The following THSD7A variants were observed in gnomAD, a reference collection of about 807,000 sequenced individuals.
THSD7A encodes thrombospondin type-1 domain-containing protein 7A.
Under a neutral mutation model 231.3 loss-of-function variants are expected in THSD7A, and 96 were observed. The ratio of observed to expected loss-of-function variants is 0.41; its 90% CI spans 0.35 to 0.49. The LOEUF is 0.49. THSD7A is among the 20% of genes least tolerant of loss of function. The pLI, the probability that THSD7A is intolerant of heterozygous loss-of-function variation, is 0.05. For missense variants in THSD7A, 2,290 were observed against 2,070.2 expected (o/e 1.11, Z -2.06); for synonymous variants, 940 against 743.3 (o/e 1.26, Z -4.30).
rs1782021094 is a variant in THSD7A, at chr7:11,370,757, GAAT to G, written c.*5034_*5036del. 2 of 152,084 alleles carry G rather than the reference GAAT, an allele frequency of 1.3e-5. No homozygotes were observed. The highest frequency in any genetic ancestry group is 1.9e-4 in the East Asian group (1 of 5,182). The allele number at this position is 152,084 out of a possible 1,614,324, so 9.4% of individuals were successfully genotyped here. A position where few individuals can be genotyped will look rare whatever the true frequency, so the allele number is the denominator to read the frequency against. The stretch of plus-strand genomic sequence containing the variant: ...AATTAACATAAAATACACATTTAGG[GAAT>G]AATAATTTATAGAAAGACAGATTGC... On this transcript the variant is annotated 3_prime_UTR_variant, in exon 28 of 28. Transcript: ENST00000423059.
chr7:11,669,072 C>T (rs553831494), intron 1 of THSD7A, among the ~76,000 whole-genome samples: 15 of 152,202 alleles, frequency 9.9e-5, no homozygotes, highest in African/African-American at 3.4e-4. Context: ...TTTCTATTTC[C>T]CTAACCCACA....
intron 1 of THSD7A, among the ~76,000 whole-genome samples, chr7:11,743,605 T>A (rs1342595029): frequency 6.6e-6 from 1 of 151,906 alleles, no homozygotes; most frequent in Non-Finnish European, 1.5e-5. Context: ...TATTATCATT[T>A]CATTTTAGAG....
intron 1 of THSD7A, among the ~76,000 whole-genome samples, chr7:11,723,594 A>G (rs1231005968): frequency 6.6e-6 from 1 of 151,946 alleles, no homozygotes; most frequent in Non-Finnish European, 1.5e-5. Context: ...CATATTATGT[A>G]TTTGTTGGTT....
At chr7:11,646,029 A>G in intron 1 of THSD7A, among the ~76,000 whole-genome samples, 1 of 151,990 alleles carries the variant, frequency 6.6e-6, no homozygotes, top group East Asian at 1.9e-4. Context: ...AAGGGGATGC[A>G]AAAACAATTT....
chr7:11,593,534 A>T (rs1177921765), intron 2 of THSD7A, 32 bp from the exon 3 acceptor site: 1 of 1,603,644 alleles, frequency 6.2e-7, no homozygotes, highest in South Asian at 1.1e-5. Flanking sequence ...CTCATTACAG[A>T]CTCACAGGCA....
intron 1 of THSD7A, among the ~76,000 whole-genome samples, chr7:11,817,350 G>A (rs1346804346): frequency 6.6e-6 from 1 of 152,274 alleles, no homozygotes; most frequent in Non-Finnish European, 1.5e-5. Flanking sequence ...CTCCAGCATT[G>A]CCTGCATGGC....
chr7:11,511,996 C>A (rs2128313590), intron 6 of THSD7A, among the ~76,000 whole-genome samples: 1 of 152,282 alleles, frequency 6.6e-6, no homozygotes, highest in East Asian at 1.9e-4. Flanking sequence ...AGTGAACAGG[C>A]AACCTACAGA....
At chr7:11,691,028 G>A (rs1208599895) in intron 1 of THSD7A, among the ~76,000 whole-genome samples, 3 of 151,636 alleles carry the variant, frequency 2.0e-5, no homozygotes, top group Non-Finnish European at 4.4e-5. Flanking sequence ...AAGAAATATA[G>A]TAAGGAACAT....
chr7:11,599,837 T>A (rs999313894), intron 2 of THSD7A, among the ~76,000 whole-genome samples: 1 of 150,302 alleles, frequency 6.7e-6, no homozygotes, highest in Non-Finnish European at 1.5e-5. Flanking sequence ...AACATTTGAG[T>A]CAATGGGCTG....
At chr7:11,610,263 T>C (rs766489922) in intron 2 of THSD7A, among the ~76,000 whole-genome samples, 1 of 152,136 alleles carries the variant, frequency 6.6e-6, no homozygotes, top group Non-Finnish European at 1.5e-5. Flanking sequence ...TGTAATGCTA[T>C]TTAGTCCCCT....
chr7:11,421,281 T>C (rs1225250051), intron 16 of THSD7A, among the ~76,000 whole-genome samples: 1 of 152,186 alleles, frequency 6.6e-6, no homozygotes, highest in Non-Finnish European at 1.5e-5. Flanking sequence ...CTTGCTGTTC[T>C]CATGATAGTG....
chr7:11,443,576 T>A (rs1410692561), intron 13 of THSD7A, among the ~76,000 whole-genome samples: 2 of 152,044 alleles, frequency 1.3e-5, no homozygotes, highest in Non-Finnish European at 2.9e-5. Context: ...AGCTTCAATA[T>A]TATGGAGTCT....
intron 4 of THSD7A, among the ~76,000 whole-genome samples, chr7:11,586,822 C>A (rs903714661): frequency 2.0e-5 from 3 of 152,154 alleles, no homozygotes; most frequent in Non-Finnish European, 2.9e-5. Context: ...ATCCCTCCGC[C>A]TATCTTCCCA....
chr7:11,807,175 C>T (rs1784420217), intron 1 of THSD7A, among the ~76,000 whole-genome samples: 2 of 152,032 alleles, frequency 1.3e-5, no homozygotes, highest in South Asian at 4.1e-4. Context: ...ATTCCTTAGC[C>T]CTTCTCCACT....
chr7:11,560,150 A>C (rs1790017212), intron 4 of THSD7A, among the ~76,000 whole-genome samples: 1 of 152,214 alleles, frequency 6.6e-6, no homozygotes, highest in Non-Finnish European at 1.5e-5. Context: ...AAAGTGAAAA[A>C]GCAAGCCGAA....
chr7:11,631,716 TG>T (rs895429372), intron 2 of THSD7A, among the ~76,000 whole-genome samples: 3 of 152,172 alleles, frequency 2.0e-5, no homozygotes, highest in Non-Finnish European at 4.4e-5. Context: ...AGGATTGGCC[TG>T]TTTGGGGATT....
rs372383145 is a variant in THSD7A, at chr7:11,376,595, T to C, written c.4864A>G (p.Ile1622Val). The change falls in exon 27 of 28, where the codon ATT (isoleucine) becomes GTT (valine). Residue 1622 changes from isoleucine to valine, a missense_variant. Ile to Val is a conservative substitution (Grantham distance 29, BLOSUM62 3). Transcript: ENST00000423059. ...CAAGCTAGATAAATCATGGAGACAA[T>C]AAAGATGAGTAACACAAATGCCCCA... ...AAGAFVLLIF[I>V]VSMIYLACKK... 2 of 1,585,986 alleles carry C rather than the reference T, an allele frequency of 1.3e-6. No individual in the cohort carries two copies. The highest frequency in any genetic ancestry group is 2.7e-5 in the African/African-American group (2 of 74,088).
chr7:11,488,021 T>C (rs889610028), intron 6 of THSD7A, among the ~76,000 whole-genome samples: 1 of 152,054 alleles, frequency 6.6e-6, no homozygotes, highest in Non-Finnish European at 1.5e-5. Flanking sequence ...CCCTGTAAAA[T>C]TGCAACTCAC....
At chr7:11,434,735 T>C (rs1218224103) in intron 13 of THSD7A, among the ~76,000 whole-genome samples, 3 of 152,050 alleles carry the variant, frequency 2.0e-5, no homozygotes, top group Non-Finnish European at 2.9e-5. Flanking sequence ...CTTTTATCTA[T>C]TGTGGTCCTC....
Sources: allele counts gnomAD v4.1 joint callset (sites outside exome capture counted in the v4.1 genomes callset), GRCh38; gene constraint gnomAD v4.1.1; transcripts MANE v1.5; gene names NCBI Gene and HGNC (gene_info 2026-07-23, HGNC 2026-07-21).